The following LRP1B variants were observed in gnomAD, a reference collection of about 807,000 sequenced individuals.
LRP1B encodes the protein low-density lipoprotein receptor-related protein 1B.
LRP1B carries 217 observed loss-of-function variants against 556.6 expected under a neutral mutation model. The observed-to-expected ratio is 0.39, with a 90% CI of 0.35 to 0.44. LRP1B has a LOEUF of 0.44. LRP1B is among the 20% of genes least tolerant of loss of function. LRP1B has a pLI of 1.00. For missense variants in LRP1B, 5,053 were observed against 5,620.8 expected (o/e 0.90, Z 3.23); for synonymous variants, 2,047 against 1,865.8 (o/e 1.10, Z -2.50).
chr2:141,305,284 G>A (rs368531645), intron 3 of LRP1B, among the ~76,000 whole-genome samples: 7 of 152,168 alleles, frequency 4.6e-5, no homozygotes, highest in African/African-American at 1.7e-4. Context: ...AGTTTTCCTT[G>A]TAGAGGTCTC....
chr2:141,912,024 T>C (rs1699918897), intron 1 of LRP1B, among the ~76,000 whole-genome samples: 1 of 152,192 alleles, frequency 6.6e-6, no homozygotes, highest in African/African-American at 2.4e-5. Context: ...TGAAATGTCT[T>C]TTCTTCTCTA....
intron 2 of LRP1B, among the ~76,000 whole-genome samples, chr2:141,709,479 G>C (rs1275314073): frequency 6.6e-6 from 1 of 152,088 alleles, no homozygotes; most frequent in African/African-American, 2.4e-5. Flanking sequence ...GATGCATTTT[G>C]TAAAGATACC....
At chr2:142,011,399 A>G (rs966670175) in intron 1 of LRP1B, among the ~76,000 whole-genome samples, 6 of 152,196 alleles carry the variant, frequency 3.9e-5, no homozygotes, top group Non-Finnish European at 5.9e-5. Flanking sequence ...TTTAATTTAC[A>G]TGATGATACA....
chr2:140,297,708 A>T, intron 84 of LRP1B, 100 bp downstream of exon 84: 1 of 1,322,598 alleles, frequency 7.6e-7, no homozygotes, highest in Non-Finnish European at 1.0e-6. Flanking sequence ...CCTGAAAAAT[A>T]GAGGATGGCT....
intron 3 of LRP1B, among the ~76,000 whole-genome samples, chr2:141,264,764 C>T (rs951858495): frequency 5.9e-5 from 9 of 152,140 alleles, no homozygotes; most frequent in African/African-American, 2.2e-4. Flanking sequence ...CAAGTGGAGC[C>T]TGGAATTTAT....
chr2:141,162,246 G>T (rs1680066912), intron 7 of LRP1B, among the ~76,000 whole-genome samples: 1 of 152,116 alleles, frequency 6.6e-6, no homozygotes, highest in Non-Finnish European at 1.5e-5. Context: ...GTCTGGATGT[G>T]TCATTGCAGA....
chr2:141,737,969 T>G (rs1693553660), intron 2 of LRP1B, among the ~76,000 whole-genome samples: 1 of 152,142 alleles, frequency 6.6e-6, no homozygotes, highest in African/African-American at 2.4e-5. Context: ...TTTAATCTAG[T>G]TTTAAAATTC....
intron 41 of LRP1B, among the ~76,000 whole-genome samples, chr2:140,654,926 A>G (rs1684823308): frequency 6.6e-6 from 1 of 152,132 alleles, no homozygotes; most frequent in African/African-American, 2.4e-5. Flanking sequence ...AGTAAGTATA[A>G]TCATTACTGT....
rs548252768 is a variant in LRP1B at position 141,572,128 on chromosome 2, A to T, written c.206-91595T>A. 2.6e-5 allele frequency among the ~76,000 whole-genome samples: 4 copies of T among 152,216 alleles called. No individual in the cohort carries two copies. In the East Asian group the frequency reaches 5.8e-4, roughly 22 times the overall value. ...AAGATCAACCCCAAGAAACATAATC[A>T]TCAGATTCTCCAAGGTCAAAATGAA... On this transcript the variant is annotated intron_variant, in intron 2 of 90. Transcript: ENST00000389484.
At chr2:140,430,564 G>T (rs1407281868) in intron 66 of LRP1B, among the ~76,000 whole-genome samples, 1 of 152,128 alleles carries the variant, frequency 6.6e-6, no homozygotes, top group African/African-American at 2.4e-5. Flanking sequence ...GTCCCTCAAG[G>T]CCAGTTTTTC....
At chr2:141,500,990 T>C (rs987147636) in intron 2 of LRP1B, among the ~76,000 whole-genome samples, 1 of 152,124 alleles carries the variant, frequency 6.6e-6, no homozygotes, top group Non-Finnish European at 1.5e-5. Context: ...TTCTTTTAGA[T>C]GATATACTTA....
chr2:140,252,391 T>TATGA (rs1258762073), intron 86 of LRP1B, among the ~76,000 whole-genome samples: 10 of 152,000 alleles, frequency 6.6e-5, no homozygotes, highest in Non-Finnish European at 1.5e-4. Context: ...CATATAAAAA[T>TATGA]GTACTCATAT....
intron 66 of LRP1B, among the ~76,000 whole-genome samples, chr2:140,419,345 T>C (rs1445726639): frequency 1.3e-5 from 2 of 152,148 alleles, no homozygotes; most frequent in Non-Finnish European, 2.9e-5. Flanking sequence ...TAATACCCAG[T>C]TATAGTCAGA....
At chr2:141,594,335 C>T (rs75621841) in intron 2 of LRP1B, among the ~76,000 whole-genome samples, 1,629 of 152,200 alleles carry the variant, frequency 0.011, 14 homozygotes, top group Middle Eastern at 0.027. Flanking sequence ...ACTGGGAAGG[C>T]AGATGGTGAA....
chr2:142,127,850 C>T (rs1375964247), intron 1 of LRP1B, among the ~76,000 whole-genome samples: 5 of 151,976 alleles, frequency 3.3e-5, no homozygotes, highest in Non-Finnish European at 5.9e-5. Flanking sequence ...CTCTCAATCC[C>T]TTTTCAGAAA....
chr2:141,708,914 G>C (rs944515537), intron 2 of LRP1B, among the ~76,000 whole-genome samples: 2 of 152,116 alleles, frequency 1.3e-5, no homozygotes, highest in Non-Finnish European at 2.9e-5. Flanking sequence ...CTAATACCTT[G>C]ATCTTGGACT....
chr2:140,824,670 T>C (rs1691444211), intron 31 of LRP1B, among the ~76,000 whole-genome samples: 1 of 152,128 alleles, frequency 6.6e-6, no homozygotes, highest in Admixed American at 6.6e-5. Flanking sequence ...AAAATAATGG[T>C]ATAAATATAA....
chr2:140,366,412 TA>T (rs1460768279), intron 71 of LRP1B, among the ~76,000 whole-genome samples: 1 of 151,642 alleles, frequency 6.6e-6, no homozygotes, highest in African/African-American at 2.4e-5. Context: ...TCATTTGAGG[TA>T]CCGGTCCATG....
At chr2:141,850,425 C>A (rs905382292) in intron 1 of LRP1B, among the ~76,000 whole-genome samples, 6 of 151,204 alleles carry the variant, frequency 4.0e-5, no homozygotes, top group African/African-American at 1.2e-4. Context: ...ATAGAAACAC[C>A]CATCATCCAC....
Sources: gnomAD v4.1 joint callset for allele counts (sites outside exome capture counted in the v4.1 genomes callset) on GRCh38, gnomAD v4.1.1 for gene constraint, MANE v1.5 for transcripts, NCBI Gene and HGNC (gene_info 2026-07-23, HGNC 2026-07-21) for gene names.